GABRA3: variants seen among roughly 807,000 people sequenced by gnomAD.
GABRA3 encodes the protein gamma-aminobutyric acid type A receptor subunit alpha3.
GABRA3 carries 10 observed loss-of-function variants against 30.1 expected under a neutral mutation model. The observed-to-expected ratio is 0.33, with a 90% CI of 0.20 to 0.56. The LOEUF (loss-of-function observed/expected upper bound fraction) is 0.56, where lower values mean the gene tolerates loss of function less well. Ranked by LOEUF, GABRA3 falls within the 20% of genes least tolerant of loss-of-function variation. The probability of loss-of-function intolerance (pLI) is 0.89; values close to 1 mark genes in which losing one functional copy is unlikely to be tolerated. For missense variants in GABRA3, 233 were observed against 392.0 expected (o/e 0.59, Z 3.42); for synonymous variants, 151 against 146.8 (o/e 1.03, Z -0.21).
At chrX:152,262,961 G>T (rs1304229847) in intron 4 of GABRA3, among the ~76,000 whole-genome samples, 5 of 111,686 alleles carry the variant, frequency 4.5e-5, no homozygotes, top group African/African-American at 1.6e-4. Context: ...ATGGCTGGGG[G>T]GGCCTCAGGA....
At chrX:152,415,909 G>GA (rs1305977394) in intron 1 of GABRA3, among the ~76,000 whole-genome samples, 1 of 111,367 alleles carries the variant, frequency 9.0e-6, no homozygotes, top group Non-Finnish European at 1.9e-5. Flanking sequence ...GAAAGGAAAA[G>GA]AAAATACTAG....
intron 7 of GABRA3, 27 bp from the exon 8 acceptor site, chrX:152,197,812 A>G: frequency 8.8e-7 from 1 of 1,133,468 alleles, no homozygotes; most frequent in Non-Finnish European, 1.2e-6. Context: ...ATTAGGCAGT[A>G]TGTAGCTACA....
chrX:152,428,480 C>A (rs1930567775), intron 1 of GABRA3, among the ~76,000 whole-genome samples: 1 of 112,132 alleles, frequency 8.9e-6, no homozygotes, highest in Non-Finnish European at 1.9e-5. Flanking sequence ...AGGCAACCTG[C>A]CTTTATCTAA....
Position 152,184,863 on chromosome X carries a change from A to G in GABRA3, c.1143+4867T>C, listed in dbSNP as rs6653468. Among the ~76,000 whole-genome samples, 413 of 111,586 alleles carry G rather than the reference A, an allele frequency of 3.7e-3. 5 individuals carry two copies. The highest frequency in any genetic ancestry group is 0.013 in the African/African-American group (400 of 30,810). On this transcript the variant is annotated intron_variant, in intron 9 of 9. Transcript: ENST00000370314. ...ACATGTGGTTGATCATCAAAAACCC[A>G]CAGTTCATCTATTGTCTAGAGTGCA...
rs146556925 is a variant in GABRA3 at position 152,428,602 on chromosome X, T to G, written c.-27+22544A>C. Among the ~76,000 whole-genome samples the G allele has an allele frequency of 8.6e-3, 956 of 111,461 alleles. 6 individuals are homozygous for G. Among genetic ancestry groups the G allele is most frequent in the Middle Eastern group, 0.06 (13 of 216 alleles). ...TATAACCAGGAGCATTGTTGTAGCATAGATACTGCCCAGGATCCCCAAATG... is the reference window on the plus strand; with the variant it reads ...TATAACCAGGAGCATTGTTGTAGCAGAGATACTGCCCAGGATCCCCAAATG... On this transcript the variant is annotated intron_variant, in intron 1 of 9. Coordinates refer to ENST00000370314, the MANE Select transcript of GABRA3 (RefSeq NM_000808.4).
chrX:152,395,442 T>C (rs1191593362), intron 1 of GABRA3, among the ~76,000 whole-genome samples: 1 of 111,480 alleles, frequency 9.0e-6, no homozygotes, highest in Non-Finnish European at 1.9e-5. Context: ...TCAATTAGTA[T>C]ACACATAAAA....
At chrX:152,445,022 C>T (rs1306710265) in intron 1 of GABRA3, among the ~76,000 whole-genome samples, 1 of 70,896 alleles carries the variant, frequency 1.4e-5, no homozygotes, top group African/African-American at 5.6e-5. Flanking sequence ...GATCCCGCCA[C>T]TGCACTCCAG....
At chrX:152,287,289 G>T (rs754479946) in intron 3 of GABRA3, among the ~76,000 whole-genome samples, 1 of 111,416 alleles carries the variant, frequency 9.0e-6, no homozygotes, top group Non-Finnish European at 1.9e-5. Context: ...TAGGTAATAT[G>T]ATTTGGCTCT....
At chrX:152,447,983 T>C (rs940898375) in intron 1 of GABRA3, among the ~76,000 whole-genome samples, 6 of 112,549 alleles carry the variant, frequency 5.3e-5, no homozygotes, top group Non-Finnish European at 7.5e-5. Flanking sequence ...AAAATCATTT[T>C]ATGTCTGTAG....
chrX:152,359,980 T>TA (rs1239181766), intron 2 of GABRA3, among the ~76,000 whole-genome samples: 1 of 106,683 alleles, frequency 9.4e-6, no homozygotes, highest in Non-Finnish European at 1.9e-5. Flanking sequence ...TCCATGTCCC[T>TA]ACAAAGGACA....
At chrX:152,220,280 T>A (rs1277126156) in intron 6 of GABRA3, among the ~76,000 whole-genome samples, 1 of 111,893 alleles carries the variant, frequency 8.9e-6, no homozygotes, top group Non-Finnish European at 1.9e-5. Context: ...CAGCACATAT[T>A]AGTTTTGCCT....
chrX:152,377,029 T>C (rs1929016761), intron 1 of GABRA3, among the ~76,000 whole-genome samples: 1 of 112,039 alleles, frequency 8.9e-6, no homozygotes, highest in African/African-American at 3.2e-5. Context: ...ACATTGCTAT[T>C]GAGAATGGAT....
intron 8 of GABRA3, among the ~76,000 whole-genome samples, chrX:152,193,788 G>A (rs1015398914): frequency 9.0e-6 from 1 of 111,470 alleles, no homozygotes; most frequent in African/African-American, 3.3e-5. Context: ...CACAAGGTCA[G>A]GAGTTTGAGA....
chrX:152,205,043 C>G (rs1336733377), intron 7 of GABRA3, among the ~76,000 whole-genome samples: 5 of 111,857 alleles, frequency 4.5e-5, no homozygotes, highest in Non-Finnish European at 1.9e-5. Context: ...CAAATTTCCC[C>G]TTTTTATAAG....
intron 3 of GABRA3, among the ~76,000 whole-genome samples, chrX:152,341,461 T>A (rs762150299): frequency 9.0e-6 from 1 of 111,426 alleles, no homozygotes; most frequent in Admixed American, 9.6e-5. Flanking sequence ...CATACTGTTT[T>A]CCATAGAGGT....
intron 4 of GABRA3, among the ~76,000 whole-genome samples, chrX:152,274,566 A>G (rs1377332115): frequency 8.9e-6 from 1 of 111,788 alleles, no homozygotes; most frequent in East Asian, 2.8e-4. Context: ...CAAGAAACAA[A>G]AAAGAAACCT....
chrX:152,335,403 T>C (rs1003493425), intron 3 of GABRA3, among the ~76,000 whole-genome samples: 8 of 111,318 alleles, frequency 7.2e-5, no homozygotes, highest in Non-Finnish European at 1.5e-4. Context: ...AGTTCAAGCC[T>C]AGGGGTGCTC....
At chrX:152,186,206 G>GTTTA (rs201169733) in intron 9 of GABRA3, among the ~76,000 whole-genome samples, 6,207 of 109,464 alleles carry the variant, frequency 0.057, 251 homozygotes, top group Admixed American at 0.17. Flanking sequence ...TTATTTAATT[G>GTTTA]TTTATTTATT....
At chrX:152,213,678 GGATAT>G (rs1431022667) in intron 6 of GABRA3, among the ~76,000 whole-genome samples, 7 of 111,766 alleles carry the variant, frequency 6.3e-5, no homozygotes, top group African/African-American at 2.3e-4. Context: ...ATGGGGAAAG[GGATAT>G]GATATAAGAT....
Sources: allele counts gnomAD v4.1 joint callset (sites outside exome capture counted in the v4.1 genomes callset), GRCh38; gene constraint gnomAD v4.1.1; transcripts MANE v1.5; gene names NCBI Gene and HGNC (gene_info 2026-07-23, HGNC 2026-07-21).